PVT1: variants seen among roughly 807,000 people sequenced by gnomAD.
PVT1 encodes Pvt1 oncogene.
intron 2 of PVT1, among the ~76,000 whole-genome samples, chr8:127,865,329 A>G (rs182830999): frequency 2.6e-5 from 4 of 152,220 alleles, no homozygotes; most frequent in Non-Finnish European, 4.4e-5. Flanking sequence ...AGACAGAATT[A>G]TGCTTCCCCC....
chr8:128,100,324 C>T (rs1259455681), intron 6 of PVT1, among the ~76,000 whole-genome samples: 1 of 152,170 alleles, frequency 6.6e-6, no homozygotes, highest in Non-Finnish European at 1.5e-5. Flanking sequence ...GAAACCAGGT[C>T]TCTGCTCTCC....
intron 4 of PVT1, among the ~76,000 whole-genome samples, chr8:128,000,761 T>C (rs191936820): frequency 6.6e-6 from 1 of 152,174 alleles, no homozygotes; most frequent in Non-Finnish European, 1.5e-5. Flanking sequence ...GTTTATTCCA[T>C]ACTTGGAACC....
intron 4 of PVT1, among the ~76,000 whole-genome samples, chr8:128,033,490 G>T (rs909746269): frequency 1.3e-5 from 2 of 152,190 alleles, no homozygotes; most frequent in African/African-American, 4.8e-5. Context: ...GGTTGCTATC[G>T]CCACAGGCTT....
intron 2 of PVT1, among the ~76,000 whole-genome samples, chr8:127,822,345 AG>A (rs1814740702): frequency 1.3e-5 from 2 of 152,356 alleles, no homozygotes; most frequent in South Asian, 4.1e-4. Context: ...TGGGAGGCCA[AG>A]ACGAGCGGAT....
intron 2 of PVT1, among the ~76,000 whole-genome samples, chr8:127,875,067 G>T (rs1007374689): frequency 4.6e-5 from 7 of 152,220 alleles, no homozygotes; most frequent in African/African-American, 1.7e-4. Context: ...CCACTATAAT[G>T]ATGAGAAGTG....
intron 2 of PVT1, among the ~76,000 whole-genome samples, chr8:127,872,335 C>A (rs1443319720): frequency 6.6e-6 from 1 of 150,592 alleles, no homozygotes; most frequent in African/African-American, 2.4e-5. Flanking sequence ...ATCGCTTGAA[C>A]CCAGGAGGTG....
intron 3 of PVT1, among the ~76,000 whole-genome samples, chr8:127,987,400 A>AT (rs1290657577): frequency 6.6e-6 from 1 of 151,994 alleles, no homozygotes. Flanking sequence ...CATTGCCTTC[A>AT]TTTGCTCCCT....
chr8:127,854,522 C>T (rs1402343849), intron 2 of PVT1, among the ~76,000 whole-genome samples: 2 of 152,186 alleles, frequency 1.3e-5, no homozygotes, highest in Admixed American at 1.3e-4. Context: ...CAGAGAGACA[C>T]TCTAGGTCTT....
Position 127,984,925 on chromosome 8 carries a change from TTCTC to T in PVT1, n.783-4235_783-4232del, listed in dbSNP as rs748764860. ...TCTTTCTTTCTTTCTTTCTTTCTCT[TTCTC>T]TTTCTTTCTTTCTTTCCCCTTCCTT... On this transcript the variant is annotated intron_variant and non_coding_transcript_variant, in intron 3 of 10. Transcript: ENST00000651587. Among the ~76,000 whole-genome samples the T allele has an allele frequency of 2.4e-3, 315 of 130,518 alleles. 12 individuals are homozygous for T. The highest frequency in any genetic ancestry group is 4.0e-3 in the Non-Finnish European group (250 of 62,682). 85.6% of individuals were successfully genotyped at this position (130,518 alleles called of 152,430 possible).
At chr8:127,880,252 G>A (rs549734959) in intron 2 of PVT1, among the ~76,000 whole-genome samples, 1 of 152,270 alleles carries the variant, frequency 6.6e-6, no homozygotes, top group South Asian at 2.1e-4. Context: ...CGTGAACACT[G>A]TCTGTGTAGC....
chr8:128,091,550 A>G (rs374533386), intron 5 of PVT1, among the ~76,000 whole-genome samples: 2 of 152,184 alleles, frequency 1.3e-5, no homozygotes, highest in East Asian at 1.9e-4. Context: ...TTTCTTCTTC[A>G]TTCGTGATAA....
chr8:127,964,366 C>T (rs1368638455), intron 3 of PVT1, among the ~76,000 whole-genome samples: 2 of 152,164 alleles, frequency 1.3e-5, no homozygotes. Flanking sequence ...ACAGCAGCGA[C>T]CAACCGAAGC....
At chr8:127,818,342 A>T (rs1237522997) in intron 2 of PVT1, among the ~76,000 whole-genome samples, 1 of 152,204 alleles carries the variant, frequency 6.6e-6, no homozygotes, top group Non-Finnish European at 1.5e-5. Flanking sequence ...CTGCTCCGGA[A>T]GTCTCAGTGA....
In PVT1 at chr8:127,799,435, C is replaced by T. The variant is rs1486410693; in HGVS notation, n.372+3364C>T. ...TAAAAATTAAAAAATAAAGAAAGAA[C>T]TGCTTTGTCTTCAAGGAAACAAGAT... On this transcript the variant is annotated intron_variant and non_coding_transcript_variant, in intron 2 of 10. Transcript: ENST00000651587. Among the ~76,000 whole-genome samples, 5 of 152,178 alleles carry T rather than the reference C, an allele frequency of 3.3e-5. No individual in the cohort carries two copies. The South Asian group carries it at 1.0e-3, about 32-fold the overall frequency.
intron 2 of PVT1, among the ~76,000 whole-genome samples, chr8:127,826,436 C>T (rs890921505): frequency 1.3e-5 from 2 of 152,086 alleles, no homozygotes; most frequent in Non-Finnish European, 2.9e-5. Context: ...CACTTTAGTT[C>T]TTCAGGCTGG....
intron 4 of PVT1, among the ~76,000 whole-genome samples, chr8:128,006,033 G>C (rs1817242397): frequency 6.6e-6 from 1 of 151,448 alleles, no homozygotes; most frequent in Admixed American, 6.6e-5. Context: ...AACCTGGGAG[G>C]CAGAGGTTGC....
intron 5 of PVT1, among the ~76,000 whole-genome samples, chr8:128,084,978 G>T (rs79219878): frequency 6.6e-6 from 1 of 152,166 alleles, no homozygotes; most frequent in Non-Finnish European, 1.5e-5. Context: ...TCAGAACGAG[G>T]TTCCCATCTG....
At chr8:127,856,121 C>A (rs1208763143) in intron 2 of PVT1, among the ~76,000 whole-genome samples, 1 of 152,222 alleles carries the variant, frequency 6.6e-6, no homozygotes, top group Non-Finnish European at 1.5e-5. Flanking sequence ...CATCCCTCTT[C>A]TCTGAAAGGA....
chr8:127,986,913 G>T (rs1290247721), intron 3 of PVT1, among the ~76,000 whole-genome samples: 1 of 152,170 alleles, frequency 6.6e-6, no homozygotes, highest in Non-Finnish European at 1.5e-5. Context: ...CAACGTGCTG[G>T]GTTATTGCAA....
Sources: gnomAD v4.1 joint callset for allele counts (sites outside exome capture counted in the v4.1 genomes callset) on GRCh38, gnomAD v4.1.1 for gene constraint, MANE v1.5 for transcripts, NCBI Gene and HGNC (gene_info 2026-07-23, HGNC 2026-07-21) for gene names.